KAZN: variants seen among roughly 807,000 people sequenced by gnomAD.
KAZN encodes kazrin.
A neutral mutation model predicts 87.4 loss-of-function variants in KAZN; 40 were observed. The ratio of observed to expected loss-of-function variants is 0.46; its 90% confidence interval spans 0.36 to 0.60. The LOEUF (loss-of-function observed/expected upper bound fraction) is 0.60. Ranked by LOEUF, KAZN falls within the 20% of genes least tolerant of loss-of-function variation. The pLI, the probability that KAZN is intolerant of heterozygous loss-of-function variation, is 0.00. For synonymous variants in KAZN, 466 were observed against 458.3 expected (o/e 1.02, Z -0.22); for missense variants, 898 against 1,073.9 (o/e 0.84, Z 2.29).
rs1296239759 is a variant in KAZN at position 14,184,870 on chromosome 1, A to G, written c.249+4278A>G. ...CTTGGGAACCGAGCAGTTCACACCT[A>G]TTATAGAAGTGCATTTTAATTTGAT... is the stretch of plus-strand genomic sequence containing the variant. On this transcript the variant is annotated intron_variant, in intron 2 of 16. Coordinates refer to the KAZN transcript ENST00000636203. This position sits in a 1 kb window ranked among gnomAD's most constrained non-coding sequence, Gnocchi z 4.2. 1.3e-5 allele frequency among the ~76,000 whole-genome samples: 2 copies of G among 152,154 alleles called. No individual in the cohort carries two copies. Among genetic ancestry groups the G allele is most frequent in the African/African-American group, 4.8e-5 (2 of 41,446 alleles).
At chr1:15,074,183 G>C (rs1052386904) in intron 8 of KAZN, among the ~76,000 whole-genome samples, 3 of 152,256 alleles carry the variant, frequency 2.0e-5, no homozygotes, top group Non-Finnish European at 4.4e-5. Flanking sequence ...GAAGTCCCTG[G>C]ATGTGCCTCA....
chr1:14,681,412 C>T (rs983418643), intron 1 of KAZN, among the ~76,000 whole-genome samples: 5 of 150,916 alleles, frequency 3.3e-5, no homozygotes, highest in Non-Finnish European at 7.4e-5. Context: ...TGAGGTTGCC[C>T]GTGGGTGACT....
chr1:14,832,737 C>T (rs919576595), intron 1 of KAZN, among the ~76,000 whole-genome samples: 2 of 152,138 alleles, frequency 1.3e-5, no homozygotes, highest in Non-Finnish European at 2.9e-5. Context: ...TGGTCTAGAC[C>T]AATCCCGCCA....
intron 2 of KAZN, among the ~76,000 whole-genome samples, chr1:14,572,709 C>T (rs1674945494): frequency 6.6e-6 from 1 of 152,150 alleles, no homozygotes; most frequent in African/African-American, 2.4e-5. Context: ...GGTATGTGTA[C>T]CTCATTTGTG....
intron 1 of KAZN, among the ~76,000 whole-genome samples, chr1:14,837,479 G>C (rs550688420): frequency 6.6e-6 from 1 of 151,950 alleles, no homozygotes; most frequent in Non-Finnish European, 1.5e-5. Flanking sequence ...GATTTTAGGC[G>C]TGAGCCACTG....
At chr1:14,433,143 A>G (rs1465511226) in intron 2 of KAZN, among the ~76,000 whole-genome samples, 1 of 152,128 alleles carries the variant, frequency 6.6e-6, no homozygotes, top group Non-Finnish European at 1.5e-5. Flanking sequence ...TGTAGCATGC[A>G]GTCCCATGAG....
chr1:14,586,206 C>T (rs997976172), intron 2 of KAZN, among the ~76,000 whole-genome samples: 1 of 152,178 alleles, frequency 6.6e-6, no homozygotes, highest in Non-Finnish European at 1.5e-5. Flanking sequence ...GGAATGCTTC[C>T]TAGTGGAGGT....
At chr1:14,514,501 A>ATATATATTTTATATATTTT (rs1356176384) in intron 2 of KAZN, among the ~76,000 whole-genome samples, 1 of 6,822 alleles carries the variant, frequency 1.5e-4, no homozygotes, top group African/African-American at 4.9e-4. Context: ...ATATATGTAA[A>ATATATATTTTATATATTTT]ATATATAATA....
chr1:14,341,227 T>A (rs1166143211), intron 2 of KAZN, among the ~76,000 whole-genome samples: 1 of 152,178 alleles, frequency 6.6e-6, no homozygotes, highest in Non-Finnish European at 1.5e-5. Context: ...GATTAGGCTT[T>A]ACCTTTTATT....
intron 1 of KAZN, among the ~76,000 whole-genome samples, chr1:14,913,659 G>A (rs762361536): frequency 6.6e-5 from 10 of 152,334 alleles, no homozygotes; most frequent in Admixed American, 2.6e-4. Flanking sequence ...GGTAAGGCCC[G>A]TTCCCAACCT....
chr1:14,230,370 C>T (rs1373271581), intron 2 of KAZN, among the ~76,000 whole-genome samples: 2 of 152,168 alleles, frequency 1.3e-5, no homozygotes, highest in Non-Finnish European at 2.9e-5. Context: ...ACAATAAGTG[C>T]TTGAACAGTA....
intron 2 of KAZN, among the ~76,000 whole-genome samples, chr1:14,451,556 A>G (rs1422460159): frequency 6.6e-6 from 1 of 151,836 alleles, no homozygotes; most frequent in Non-Finnish European, 1.5e-5. Flanking sequence ...TCTCCAGAAC[A>G]GAACAAAAAC....
chr1:14,838,832 G>A lies in KAZN; in HGVS notation c.227-121852G>A, dbSNP rs372613624. Reference sequence around the variant, plus strand: ...AGACAAGGTTTCACTCTATTGGCCCGGCTGATCTTGAACTCCTGACCTCAA... The same window carrying A: ...AGACAAGGTTTCACTCTATTGGCCCAGCTGATCTTGAACTCCTGACCTCAA... On this transcript the variant is annotated intron_variant, in intron 1 of 14. Coordinates refer to ENST00000376030, the MANE Select transcript of KAZN (RefSeq NM_201628.3). Among the ~76,000 whole-genome samples the A allele has an allele frequency of 1.6e-4, 24 of 152,206 alleles. No homozygotes were observed. The East Asian group carries it at 4.1e-3, about 26-fold the overall frequency.
intron 1 of KAZN, among the ~76,000 whole-genome samples, chr1:13,918,902 G>A (rs1458406904): frequency 2.6e-5 from 4 of 152,162 alleles, no homozygotes; most frequent in Non-Finnish European, 5.9e-5. Context: ...CATGATTGTA[G>A]CTCACTGTAG....
chr1:14,583,207 G>A (rs1453030751), intron 2 of KAZN, among the ~76,000 whole-genome samples: 2 of 152,198 alleles, frequency 1.3e-5, no homozygotes, highest in Non-Finnish European at 2.9e-5. Flanking sequence ...CAGGGATTTG[G>A]CCCCAAACAT....
intron 2 of KAZN, among the ~76,000 whole-genome samples, chr1:14,459,248 GGT>G (rs547238315): frequency 4.6e-4 from 61 of 133,758 alleles, no homozygotes; most frequent in African/African-American, 1.3e-3. Flanking sequence ...AGGGGGATAT[GGT>G]GTGTGTGCGC....
Position 14,494,596 on chromosome 1 carries a change from T to C in KAZN, c.250-104387T>C, listed in dbSNP as rs1557757601. The stretch of plus-strand genomic sequence containing the variant: ...ACAGCCTCTGGTCCAATCTCCAGTG[T>C]GGCAAGGCAGGTCCTTTCGTGCCTA... On this transcript the variant is annotated intron_variant, in intron 2 of 16. Transcript: ENST00000636203. Among the ~76,000 whole-genome samples the C allele has an allele frequency of 2.0e-5, 3 of 152,134 alleles. No individual in the cohort carries two copies. In the South Asian group the frequency reaches 6.2e-4, roughly 32 times the overall value.
At chr1:14,930,170 GT>G in intron 1 of KAZN, 1 of 752,856 alleles carries the variant, frequency 1.3e-6, no homozygotes, top group Non-Finnish European at 1.6e-6. Flanking sequence ...ACTGGGGACT[GT>G]TTTGGGAAAC....
chr1:14,464,301 C>A (rs1435758960), intron 2 of KAZN, among the ~76,000 whole-genome samples: 1 of 152,120 alleles, frequency 6.6e-6, no homozygotes, highest in African/African-American at 2.4e-5. Context: ...ATTAATTAGT[C>A]CTCAACAGTT....
Sources: gnomAD v4.1 joint callset for allele counts (sites outside exome capture counted in the v4.1 genomes callset) on GRCh38, gnomAD v4.1.1 for gene constraint, Gnocchi (gnomAD v3.1) non-coding constraint, MANE v1.5 for transcripts, NCBI Gene and HGNC (gene_info 2026-07-23, HGNC 2026-07-21) for gene names.